CDH4: variants seen among roughly 807,000 people sequenced by gnomAD.
CDH4 encodes the protein cadherin 4, also known as cadherin-4.
CDH4 carries 33 observed loss-of-function variants against 86.0 expected under a neutral mutation model. The observed-to-expected ratio is 0.38, with a 90% CI of 0.29 to 0.51. CDH4 has a LOEUF of 0.51. CDH4 is among the 20% of genes least tolerant of loss of function. The pLI, the probability that CDH4 is intolerant of heterozygous loss-of-function variation, is 0.86. For missense variants in CDH4, 1,114 were observed against 1,307.4 expected (o/e 0.85, Z 2.28); for synonymous variants, 555 against 549.4 (o/e 1.01, Z -0.14).
At chr20:61,730,692 G>A (rs1365964219) in intron 2 of CDH4, among the ~76,000 whole-genome samples, 3 of 152,230 alleles carry the variant, frequency 2.0e-5, no homozygotes, top group Non-Finnish European at 2.9e-5. Context: ...TGTGCTTGGA[G>A]CCAGGGTGAA....
At chr20:61,264,430 C>T (rs995868122) in intron 2 of CDH4, among the ~76,000 whole-genome samples, 11 of 142,270 alleles carry the variant, frequency 7.7e-5, no homozygotes, top group South Asian at 2.3e-4. Flanking sequence ...TACACATACC[C>T]CAGTGGCTCC....
chr20:61,653,481 C>T (rs1362451676), intron 2 of CDH4, among the ~76,000 whole-genome samples: 3 of 136,606 alleles, frequency 2.2e-5, no homozygotes, highest in African/African-American at 5.2e-5. Context: ...CGTGGCCGGG[C>T]AGAGGGGCTC....
chr20:61,349,975 G>A (rs1172429503), intron 2 of CDH4, among the ~76,000 whole-genome samples: 3 of 152,158 alleles, frequency 2.0e-5, no homozygotes, highest in Non-Finnish European at 2.9e-5. Flanking sequence ...CTCTCCTCCT[G>A]CCCCTGCCCA....
intron 2 of CDH4, among the ~76,000 whole-genome samples, chr20:61,375,585 A>G (rs1341135538): frequency 1.5e-5 from 1 of 66,250 alleles, no homozygotes; most frequent in Non-Finnish European, 2.8e-5. Flanking sequence ...TGGTGGTCAT[A>G]GCACTGGTGG....
At chr20:61,700,325 G>A (rs944909824) in intron 2 of CDH4, among the ~76,000 whole-genome samples, 19 of 152,172 alleles carry the variant, frequency 1.2e-4, no homozygotes, top group Admixed American at 6.5e-4. Flanking sequence ...CTGACTGGCC[G>A]GGTAGGAAAT....
intron 2 of CDH4, among the ~76,000 whole-genome samples, chr20:61,428,683 C>G (rs997313675): frequency 6.6e-6 from 1 of 152,178 alleles, no homozygotes; most frequent in African/African-American, 2.4e-5. Flanking sequence ...CTTCTGTGGT[C>G]CATGTGATGT....
chr20:61,904,835 C>T (rs1486023579), intron 8 of CDH4, among the ~76,000 whole-genome samples: 1 of 152,282 alleles, frequency 6.6e-6, no homozygotes, highest in Middle Eastern at 3.2e-3. Flanking sequence ...TCTTGCTGGA[C>T]ATTGTGTGGA....
chr20:61,849,500 G>A (rs182103895), intron 5 of CDH4, among the ~76,000 whole-genome samples: 18 of 152,250 alleles, frequency 1.2e-4, no homozygotes, highest in Admixed American at 6.5e-4. Flanking sequence ...TCAAAGTGCC[G>A]GCCAGCCTGG....
chr20:61,343,457 G>C (rs2084659580), intron 2 of CDH4, among the ~76,000 whole-genome samples: 1 of 152,228 alleles, frequency 6.6e-6, no homozygotes, highest in South Asian at 2.1e-4. Context: ...ATGGGTGTCT[G>C]CTGTGTATCA....
intron 2 of CDH4, among the ~76,000 whole-genome samples, chr20:61,554,180 A>G (rs1484495557): frequency 6.6e-6 from 1 of 152,228 alleles, no homozygotes; most frequent in South Asian, 2.1e-4. Context: ...CACTAGGTCC[A>G]TTTCTTTCTG....
In CDH4 at chr20:61,694,976, T is replaced by C. The variant is rs542464724; in HGVS notation, c.170-48587T>C. Among the ~76,000 whole-genome samples the C allele has an allele frequency of 2.6e-5, 4 of 152,376 alleles. No homozygotes were observed. In the East Asian group the frequency reaches 7.7e-4, roughly 29 times the overall value. On this transcript the variant is annotated intron_variant, in intron 2 of 15. Transcript: ENST00000614565. ...ACTAACAGCTAAATCCTTCATTCTT[T>C]CAGCTCCCAGCATATGGCATGAAGT... is the stretch of plus-strand genomic sequence containing the variant.
intron 2 of CDH4, among the ~76,000 whole-genome samples, chr20:61,342,080 G>C (rs1303439687): frequency 6.6e-6 from 1 of 152,176 alleles, no homozygotes; most frequent in African/African-American, 2.4e-5. Context: ...AGCCGTGCAT[G>C]TAGGGTCTGG....
At chr20:61,460,523 A>G (rs2145558106) in intron 2 of CDH4, among the ~76,000 whole-genome samples, 1 of 152,138 alleles carries the variant, frequency 6.6e-6, no homozygotes, top group East Asian at 1.9e-4. Context: ...AAGCAGCCTC[A>G]TTTTACAAGG....
chr20:61,907,705 A>G (rs749745609), intron 8 of CDH4, among the ~76,000 whole-genome samples: 1 of 152,172 alleles, frequency 6.6e-6, no homozygotes, highest in Non-Finnish European at 1.5e-5. Context: ...CAGCGTCTCC[A>G]GGCCTCCCCG....
intron 9 of CDH4, among the ~76,000 whole-genome samples, chr20:61,911,139 A>G (rs1402485904): frequency 6.6e-6 from 1 of 152,198 alleles, no homozygotes; most frequent in African/African-American, 2.4e-5. Context: ...CTGTCCCCTG[A>G]ATGTTTCGTC....
chr20:61,489,298 G>A (rs1249255655), intron 2 of CDH4, among the ~76,000 whole-genome samples: 1 of 152,164 alleles, frequency 6.6e-6, no homozygotes, highest in Non-Finnish European at 1.5e-5. Context: ...ACAGCCCAGT[G>A]ACTATTATTG....
intron 2 of CDH4, among the ~76,000 whole-genome samples, chr20:61,270,164 G>C (rs954829497): frequency 2.0e-5 from 3 of 152,210 alleles, no homozygotes; most frequent in African/African-American, 7.2e-5. Flanking sequence ...AGGCTGATGG[G>C]GGAGAGAGGC....
In CDH4 at chr20:61,910,413, A is replaced by G. The variant is rs199603882; in HGVS notation, c.1189-9A>G. The stretch of plus-strand genomic sequence containing the variant: ...CGGGTTTGTGACATTCTTTCCTTCC[A>G]TTTTGCAGTTTGCAGGGGAGGTCCC... On this transcript the variant is annotated splice_polypyrimidine_tract_variant and intron_variant, in intron 8 of 15. Coordinates refer to ENST00000614565, the MANE Select transcript of CDH4 (RefSeq NM_001794.5). 1.9e-4 allele frequency: 312 copies of G among 1,610,376 alleles called. No individual in the cohort carries two copies. The highest frequency in any genetic ancestry group is 3.2e-4 in the Admixed American group (19 of 59,972).
intron 2 of CDH4, among the ~76,000 whole-genome samples, chr20:61,277,570 A>G (rs1315767923): frequency 6.6e-6 from 1 of 152,224 alleles, no homozygotes; most frequent in Non-Finnish European, 1.5e-5. Context: ...GGAACTGACA[A>G]GCAAGGAAAT....
Sources: gnomAD v4.1 joint callset for allele counts (sites outside exome capture counted in the v4.1 genomes callset) on GRCh38, gnomAD v4.1.1 for gene constraint, MANE v1.5 for transcripts, NCBI Gene and HGNC (gene_info 2026-07-23, HGNC 2026-07-21) for gene names.